MOG: variants seen among roughly 807,000 people sequenced by gnomAD.
MOG encodes the protein myelin oligodendrocyte glycoprotein.
Under a neutral mutation model 35.9 loss-of-function variants are expected in MOG, and 20 were observed. The observed-to-expected ratio is 0.56, with a 90% confidence interval of 0.39 to 0.81. The LOEUF (loss-of-function observed/expected upper bound fraction) is 0.81, where lower values mean the gene tolerates loss of function less well. MOG is among the 30% of genes least tolerant of loss of function. The pLI is 0.00. For missense variants in MOG, 251 were observed against 301.0 expected (o/e 0.83, Z 1.23); for synonymous variants, 92 against 114.3 (o/e 0.80, Z 1.25).
Position 29,671,176 on chromosome 6 carries a change from T to A in MOG, c.735T>A (p.Asn245Lys). 6.2e-7 allele frequency: 1 copy of A among 1,613,040 alleles called. No homozygotes were observed. Among genetic ancestry groups the A allele is most frequent in the African/African-American group, 1.3e-5 (1 of 75,062 alleles). The change falls in exon 8 of 8, where the codon AAT (asparagine) becomes AAA (lysine). Residue 245 changes from asparagine (N) to lysine (K), a missense_variant. Transcript: ENST00000376917. ...GTTATTTTCTCCTTCTTCTAGGAAATCCCTTCTGAGTGATGTCACATCTTG... is the reference window on the plus strand; with the variant it reads ...GTTATTTTCTCCTTCTTCTAGGAAAACCCTTCTGAGTGATGTCACATCTTG... Reference protein sequence around the residue: ...LAGQFLEELRNPF With the variant: ...LAGQFLEELRKPF
At chr6:29,666,733 C>G (rs1770299847) in intron 3 of MOG, among the ~76,000 whole-genome samples, 1 of 152,186 alleles carries the variant, frequency 6.6e-6, no homozygotes. Context: ...ATTGTTTCCT[C>G]TTTCTCCATT....
intron 1 of MOG, 105 bp from the exon 2 acceptor site, chr6:29,659,214 G>A (rs929040292): frequency 9.5e-6 from 9 of 951,602 alleles, no homozygotes; most frequent in Non-Finnish European, 1.4e-5. Flanking sequence ...TTTAAAAGTC[G>A]AGTGTCTTCT....
At chr6:29,659,739 A>C in intron 2 of MOG, 73 bp downstream of exon 2, 1 of 1,246,140 alleles carries the variant, frequency 8.0e-7, no homozygotes, top group African/African-American at 1.5e-5. Context: ...AACTGAGATG[A>C]GATCCCTCAA....
chr6:29,668,390 C>G (rs746634786), intron 5 of MOG, among the ~76,000 whole-genome samples: 8 of 152,138 alleles, frequency 5.3e-5, no homozygotes, highest in South Asian at 2.1e-4. Context: ...AGAAAAGCCA[C>G]CAAGCCCCAC....
intron 2 of MOG, chr6:29,664,789 T>C (rs1378728970): frequency 3.0e-6 from 1 of 337,812 alleles, no homozygotes; most frequent in African/African-American, 2.3e-5. Context: ...TTTTTTTTCG[T>C]AGAGGCAGGG....
Position 29,657,305 on chromosome 6 carries a change from A to G in MOG, c.88+8A>G, listed in dbSNP as rs767018077. 1.7e-5 allele frequency: 27 copies of G among 1,575,040 alleles called. No homozygotes were observed. In the South Asian group the frequency reaches 3.1e-4, roughly 18 times the overall value. On this transcript the variant is annotated splice_region_variant and intron_variant, in intron 1 of 7. Coordinates refer to ENST00000376917, the MANE Select transcript of MOG (RefSeq NM_206809.4). ...TGTCTTCCAGCTATGCAGGTAAGAC[A>G]TGTTTTTTTTCCTGCCCTGGGGAGA...
intron 3 of MOG, 91 bp downstream of exon 3, chr6:29,666,356 C>T: frequency 1.3e-6 from 1 of 766,152 alleles, no homozygotes; most frequent in South Asian, 1.5e-5. Context: ...TTGTGAGTGA[C>T]TTCTGGGTTC....
At position 29,670,740 on chromosome 6, in the gene MOG, G is replaced by A. The variant is rs896982517; in HGVS notation, c.730+19G>A. 7 of 1,542,904 alleles carry A rather than the reference G, an allele frequency of 4.5e-6. No homozygotes were observed. The highest frequency in any genetic ancestry group is 1.9e-5 in the Admixed American group (1 of 54,044). On this transcript the variant is annotated intron_variant, in intron 7 of 7. Coordinates refer to ENST00000376917, the MANE Select transcript of MOG (RefSeq NM_206809.4). The surrounding 1 kb of genome is among the most constrained non-coding windows in gnomAD (Gnocchi z 4.2). The stretch of plus-strand genomic sequence containing the variant: ...GAGCTACGTAAGTTCTCTTCTCTCT[G>A]TTATAAGCAGAGAATAAAAAGCCAG...
chr6:29,664,277 G>A (rs898061015), intron 2 of MOG, among the ~76,000 whole-genome samples: 1 of 150,164 alleles, frequency 6.7e-6, no homozygotes, highest in African/African-American at 2.5e-5. Context: ...GTGCAATCTC[G>A]GCTCACTGCA....
Position 29,659,444 on chromosome 6 carries a change from C to G in MOG, c.214C>G (p.Pro72Ala). 1 of 1,612,994 alleles carries G rather than the reference C, an allele frequency of 6.2e-7. No homozygotes were observed. The highest frequency in any genetic ancestry group is 8.5e-7 in the Non-Finnish European group (1 of 1,180,012). ...CATGGAGGTGGGGTGGTACCGCCCC[C>G]CCTTCTCTAGGGTGGTTCATCTCTA... Reference protein sequence around the residue: ...TGMEVGWYRPPFSRVVHLYRN... With the variant: ...TGMEVGWYRPAFSRVVHLYRN... Residue 72 changes from proline (P) to alanine (A), a missense_variant, in exon 2 of 8, where the codon CCC becomes GCC. Coordinates refer to ENST00000376917, the MANE Select transcript of MOG (RefSeq NM_206809.4).
In MOG at chr6:29,670,609, A is replaced by G. The variant is rs1041042392; in HGVS notation, c.710-92A>G. On this transcript the variant is annotated intron_variant, in intron 6 of 7. Coordinates refer to ENST00000376917, the MANE Select transcript of MOG (RefSeq NM_206809.4). This position sits in a 1 kb window ranked among gnomAD's most constrained non-coding sequence, Gnocchi z 4.2. ...TGTGGGATCCCCCAGTGGAAAGGGCAGTGTGGGTCACTCCAAATGTCCATA... is the reference window on the plus strand; with the variant it reads ...TGTGGGATCCCCCAGTGGAAAGGGCGGTGTGGGTCACTCCAAATGTCCATA... The G allele has an allele frequency of 2.2e-4, 343 of 1,589,358 alleles. No homozygotes were observed. The highest frequency in any genetic ancestry group is 2.9e-4 in the Non-Finnish European group (336 of 1,167,524).
chr6:29,670,875 G>T lies in MOG; in HGVS notation c.730+154G>T. The T allele has an allele frequency of 6.3e-7, 1 of 1,586,248 alleles. No homozygotes were observed. The highest frequency in any genetic ancestry group is 8.6e-7 in the Non-Finnish European group (1 of 1,165,824). ...GGTGGAGGGAAGACTCCTCCTGGGA[G>T]GTAGAGGGCAAAGAAGCCAGCTGTT... On this transcript the variant is annotated intron_variant, in intron 7 of 7. Transcript: ENST00000376917. This position sits in a 1 kb window ranked among gnomAD's most constrained non-coding sequence, Gnocchi z 4.2.
chr6:29,665,698 A>C (rs573597696), intron 2 of MOG, among the ~76,000 whole-genome samples: 6 of 151,960 alleles, frequency 3.9e-5, no homozygotes, highest in African/African-American at 1.4e-4. Context: ...TCAGCTTGGA[A>C]TCCTTCAGTG....
At chr6:29,665,253 C>T (rs1383236341) in intron 2 of MOG, among the ~76,000 whole-genome samples, 1 of 151,936 alleles carries the variant, frequency 6.6e-6, no homozygotes, top group Non-Finnish European at 1.5e-5. Context: ...TGTGCCACCA[C>T]GTCCAGCTAA....
rs1232349678 is a variant in MOG at position 29,670,526 on chromosome 6, C to T, written c.709+129C>T. 3 of 1,488,262 alleles carry T rather than the reference C, an allele frequency of 2.0e-6. No homozygotes were observed. Among genetic ancestry groups the T allele is most frequent in the African/African-American group, 2.8e-5 (2 of 72,240 alleles). The allele number at this position is 1,488,262 out of a possible 1,614,324, so 92.2% of individuals were successfully genotyped here. A position where few individuals can be genotyped will look rare whatever the true frequency, so the allele number is the denominator to read the frequency against. ...AGCTGGGATTTCCTTATTCCTCTGTCCCCATGCCCAACCCCAGGCTCTTCT... is the reference window on the plus strand; with the variant it reads ...AGCTGGGATTTCCTTATTCCTCTGTTCCCATGCCCAACCCCAGGCTCTTCT... On this transcript the variant is annotated intron_variant, in intron 6 of 7. Transcript: ENST00000376917. This position sits in a 1 kb window ranked among gnomAD's most constrained non-coding sequence, Gnocchi z 4.2.
intron 4 of MOG, 77 bp downstream of exon 4, chr6:29,667,740 C>T (rs926827): frequency 0.022 from 35,186 of 1,576,650 alleles, 988 homozygotes; most frequent in African/African-American, 0.14. Flanking sequence ...CGTTCTTGGA[C>T]CGTCTCTCCC....
At position 29,670,750 on chromosome 6, in the gene MOG, G is replaced by A. The variant is rs769615493; in HGVS notation, c.730+29G>A. 2 of 1,611,240 alleles carry A rather than the reference G, an allele frequency of 1.2e-6. No individual in the cohort carries two copies. Among genetic ancestry groups the A allele is most frequent in the African/African-American group, 2.7e-5 (2 of 74,914 alleles). On this transcript the variant is annotated intron_variant, in intron 7 of 7. Transcript: ENST00000376917. This position sits in a 1 kb window ranked among gnomAD's most constrained non-coding sequence, Gnocchi z 4.2. The stretch of plus-strand genomic sequence containing the variant: ...AGTTCTCTTCTCTCTGTTATAAGCA[G>A]AGAATAAAAAGCCAGGAAAGGGAGA...
At chr6:29,668,732 C>A (rs1041326746) in intron 5 of MOG, among the ~76,000 whole-genome samples, 1 of 152,156 alleles carries the variant, frequency 6.6e-6, no homozygotes, top group African/African-American at 2.4e-5. Context: ...TTTTGGAGGA[C>A]TTGACTATGA....
At position 29,670,633 on chromosome 6, in the gene MOG, T is replaced by C. The variant is rs1771268004; in HGVS notation, c.710-68T>C. The C allele has an allele frequency of 1.3e-6, 2 of 1,599,194 alleles. No homozygotes were observed. The highest frequency in any genetic ancestry group is 1.7e-6 in the Non-Finnish European group (2 of 1,172,694). ...CAGTGTGGGTCACTCCAAATGTCCA[T>C]AGGGAGGATGTGGGGAAGGTGCTAT... On this transcript the variant is annotated intron_variant, in intron 6 of 7. Coordinates refer to ENST00000376917, the MANE Select transcript of MOG (RefSeq NM_206809.4). This position sits in a 1 kb window ranked among gnomAD's most constrained non-coding sequence, Gnocchi z 4.2.
Sources: allele counts gnomAD v4.1 joint callset (sites outside exome capture counted in the v4.1 genomes callset), GRCh38; gene constraint gnomAD v4.1.1; non-coding constraint Gnocchi (gnomAD v3.1); transcripts MANE v1.5; gene names NCBI Gene and HGNC (gene_info 2026-07-23, HGNC 2026-07-21).